CDH18: variants seen among roughly 807,000 people sequenced by gnomAD.
CDH18 encodes cadherin-18.
Under a neutral mutation model 67.9 loss-of-function variants are expected in CDH18, and 31 were observed. That is an observed-to-expected ratio of 0.46 (90% CI 0.34 to 0.62). CDH18 has a LOEUF of 0.62. Ranked by LOEUF, CDH18 falls within the 20% of genes least tolerant of loss-of-function variation. The probability of loss-of-function intolerance (pLI) is 0.01; values close to 1 mark genes in which losing one functional copy is unlikely to be tolerated. For missense variants in CDH18, 890 were observed against 975.5 expected (o/e 0.91, Z 1.17); for synonymous variants, 362 against 347.2 (o/e 1.04, Z -0.48).
At chr5:20,417,295 C>T (rs1157216329) in intron 1 of CDH18, among the ~76,000 whole-genome samples, 1 of 152,074 alleles carries the variant, frequency 6.6e-6, no homozygotes, top group African/African-American at 2.4e-5. Flanking sequence ...TTCTTGGCAA[C>T]AATGGTAATA....
intron 1 of CDH18, among the ~76,000 whole-genome samples, chr5:20,267,272 G>A (rs1043358176): frequency 1.3e-5 from 2 of 152,036 alleles, no homozygotes; most frequent in Non-Finnish European, 2.9e-5. Flanking sequence ...TGGATTCTCT[G>A]TTTTGTTCCA....
Position 20,079,890 on chromosome 5 carries a change from T to G in CDH18, c.-517-87876A>C, listed in dbSNP as rs188527190. 1.6e-4 allele frequency among the ~76,000 whole-genome samples: 25 copies of G among 152,204 alleles called. No individual in the cohort carries two copies. In the East Asian group the frequency reaches 4.9e-3, roughly 30 times the overall value. On this transcript the variant is annotated intron_variant, in intron 2 of 14. Transcript: ENST00000507958. ...GGTTTGCAAACAGCCATCTTCCCCTTGTATTTTGACAAAGCTGAGAGGGCA... is the reference window on the plus strand; with the variant it reads ...GGTTTGCAAACAGCCATCTTCCCCTGGTATTTTGACAAAGCTGAGAGGGCA...
At chr5:20,144,768 G>T (rs1215086554) in intron 2 of CDH18, among the ~76,000 whole-genome samples, 1 of 152,090 alleles carries the variant, frequency 6.6e-6, no homozygotes, top group African/African-American at 2.4e-5. Context: ...TTGAAGACAG[G>T]GTATTTAGAG....
In CDH18 at chr5:20,310,568, T is replaced by C. The variant is rs575860594; in HGVS notation, c.-579-55063A>G. 2.2e-3 allele frequency among the ~76,000 whole-genome samples: 332 copies of C among 152,298 alleles called. 1 individual carries two copies. Among genetic ancestry groups the C allele is most frequent in the Non-Finnish European group, 2.9e-3 (200 of 68,018 alleles). On this transcript the variant is annotated intron_variant, in intron 1 of 14. Coordinates refer to the CDH18 transcript ENST00000507958. ...CAGGGTTTTTTACTCGCTCATTATG[T>C]CTCATCTGTAATAAAGAGTCTAAAA...
At chr5:19,864,181 T>C (rs1785206598) in intron 2 of CDH18, among the ~76,000 whole-genome samples, 1 of 149,860 alleles carries the variant, frequency 6.7e-6, no homozygotes, top group Admixed American at 6.7e-5. Context: ...ATATACACCA[T>C]GGAATACTAT....
At chr5:19,705,051 T>C (rs1763769858) in intron 5 of CDH18, among the ~76,000 whole-genome samples, 1 of 152,196 alleles carries the variant, frequency 6.6e-6, no homozygotes, top group African/African-American at 2.4e-5. Context: ...CTGGAAAGTG[T>C]TGCCACAAGT....
At chr5:19,710,709 TA>T (rs942285862) in intron 5 of CDH18, among the ~76,000 whole-genome samples, 1 of 152,024 alleles carries the variant, frequency 6.6e-6, no homozygotes, top group Non-Finnish European at 1.5e-5. Context: ...AATATTTATT[TA>T]AAAATAATAA....
chr5:20,419,471 T>TG (rs1163521648), intron 1 of CDH18, among the ~76,000 whole-genome samples: 45 of 73,086 alleles, frequency 6.2e-4, no homozygotes, highest in African/African-American at 1.9e-3. Flanking sequence ...TGTTTTTTTT[T>TG]TTTTTTTTTT....
intron 1 of CDH18, among the ~76,000 whole-genome samples, chr5:20,536,574 A>G (rs775220585): frequency 1.3e-4 from 20 of 152,258 alleles, no homozygotes; most frequent in South Asian, 4.1e-4. Flanking sequence ...CTTCTTATGA[A>G]CAGGAAGGAA....
Position 19,881,610 on chromosome 5 carries a change from G to A in CDH18, c.-256-42368C>T, listed in dbSNP as rs1310934922. 9.9e-5 allele frequency among the ~76,000 whole-genome samples: 15 copies of A among 151,194 alleles called. No individual in the cohort carries two copies. The South Asian group carries it at 2.9e-3, about 30-fold the overall frequency. ...TGCAATCTCCACCTCCTGGGTTCAA[G>A]CGATTCTCCTGCCTCAGCCTTCCAC... On this transcript the variant is annotated intron_variant, in intron 2 of 12. Coordinates refer to ENST00000382275, the MANE Select transcript of CDH18 (RefSeq NM_004934.5).
At chr5:20,123,849 T>C (rs1413374181) in intron 2 of CDH18, among the ~76,000 whole-genome samples, 2 of 136,436 alleles carry the variant, frequency 1.5e-5, no homozygotes, top group African/African-American at 5.6e-5. Context: ...ATCGTGCTAC[T>C]GCACTCCAGC....
chr5:19,752,051 G>A (rs1466019397), intron 3 of CDH18, among the ~76,000 whole-genome samples: 1 of 152,148 alleles, frequency 6.6e-6, no homozygotes, highest in African/African-American at 2.4e-5. Context: ...CGTTGCCCTT[G>A]AATACACACC....
chr5:19,737,249 T>C (rs1221464301), intron 4 of CDH18, among the ~76,000 whole-genome samples: 1 of 152,184 alleles, frequency 6.6e-6, no homozygotes, highest in African/African-American at 2.4e-5. Flanking sequence ...CCAATCACTG[T>C]GTAGTCATTC....
chr5:19,754,711 T>A (rs1237639333), intron 3 of CDH18, among the ~76,000 whole-genome samples: 2 of 152,120 alleles, frequency 1.3e-5, no homozygotes, highest in African/African-American at 4.8e-5. Flanking sequence ...AATATACACA[T>A]TCTATTCAAT....
At chr5:20,117,598 C>A (rs996926323) in intron 2 of CDH18, among the ~76,000 whole-genome samples, 16 of 151,932 alleles carry the variant, frequency 1.1e-4, no homozygotes, top group African/African-American at 3.9e-4. Context: ...ACAATATTTA[C>A]CACAAGATCA....
chr5:19,995,571 T>A (rs1478351338), intron 2 of CDH18, among the ~76,000 whole-genome samples: 1 of 146,546 alleles, frequency 6.8e-6, no homozygotes, highest in Non-Finnish European at 1.5e-5. Context: ...ACTAGGATAC[T>A]ACCCTCATCT....
chr5:19,846,904 C>T (rs55724955), intron 2 of CDH18, among the ~76,000 whole-genome samples: 16,733 of 141,850 alleles, frequency 0.12, 1,295 homozygotes, highest in Non-Finnish European at 0.16. Context: ...TATTTTTTGT[C>T]GGCAAGATTT....
chr5:19,687,334 C>T (rs2150407512), intron 5 of CDH18, among the ~76,000 whole-genome samples: 1 of 152,296 alleles, frequency 6.6e-6, no homozygotes, highest in Non-Finnish European at 1.5e-5. Context: ...TGTTCTGAGG[C>T]CAAATAGCCC....
chr5:20,567,844 T>C (rs1052931566), intron 1 of CDH18, among the ~76,000 whole-genome samples: 1 of 152,148 alleles, frequency 6.6e-6, no homozygotes, highest in African/African-American at 2.4e-5. Context: ...AGATGGAGAA[T>C]GCCTAATCGG....
Sources: gnomAD v4.1 joint callset for allele counts (sites outside exome capture counted in the v4.1 genomes callset) on GRCh38, gnomAD v4.1.1 for gene constraint, MANE v1.5 for transcripts, NCBI Gene and HGNC (gene_info 2026-07-23, HGNC 2026-07-21) for gene names.